GULP1: variants seen among roughly 807,000 people sequenced by gnomAD.
GULP1 encodes the protein PTB domain-containing engulfment adapter protein 1.
A neutral mutation model predicts 40.9 loss-of-function variants in GULP1; 19 were observed. The observed-to-expected ratio is 0.46, with a 90% confidence interval of 0.32 to 0.68. The LOEUF is 0.68. GULP1 is among the 30% of genes least tolerant of loss of function. The pLI is 0.03. For missense variants in GULP1, 312 were observed against 362.2 expected (o/e 0.86, Z 1.12); for synonymous variants, 119 against 117.6 (o/e 1.01, Z -0.08).
chr2:188,379,102 A>T (rs1309737753), intron 1 of GULP1, among the ~76,000 whole-genome samples: 1 of 152,186 alleles, frequency 6.6e-6, no homozygotes, highest in African/African-American at 2.4e-5. Flanking sequence ...GAATGACTTG[A>T]TAATTTTTCT....
chr2:188,547,626 A>T (rs763378226), intron 7 of GULP1, among the ~76,000 whole-genome samples: 1 of 152,150 alleles, frequency 6.6e-6, no homozygotes, highest in Non-Finnish European at 1.5e-5. Flanking sequence ...GCCCATCCAG[A>T]TTAAAGGTGG....
At chr2:188,507,497 G>C (rs558252442) in intron 4 of GULP1, among the ~76,000 whole-genome samples, 5 of 150,568 alleles carry the variant, frequency 3.3e-5, no homozygotes, top group Admixed American at 6.6e-5. Context: ...AAATGAGATG[G>C]AATAAGTATC....
intron 2 of GULP1, among the ~76,000 whole-genome samples, chr2:188,393,365 A>G (rs566355500): frequency 6.6e-6 from 1 of 151,858 alleles, no homozygotes; most frequent in Non-Finnish European, 1.5e-5. Context: ...GCTTTAAAGT[A>G]TGTTTATCTG....
At chr2:188,376,957 A>G (rs1375690854) in intron 1 of GULP1, among the ~76,000 whole-genome samples, 1 of 152,182 alleles carries the variant, frequency 6.6e-6, no homozygotes, top group Non-Finnish European at 1.5e-5. Flanking sequence ...ACAGATCATG[A>G]GGTCAGGATT....
intron 6 of GULP1, among the ~76,000 whole-genome samples, chr2:188,538,705 G>C (rs1689614952): frequency 6.6e-6 from 1 of 151,634 alleles, no homozygotes; most frequent in Non-Finnish European, 1.5e-5. Context: ...GTGTGTGTGT[G>C]TGTGTGTGTG....
chr2:188,346,575 C>G (rs10179504), intron 1 of GULP1, among the ~76,000 whole-genome samples: 26,414 of 151,306 alleles, frequency 0.17, 2,365 homozygotes, highest in South Asian at 0.23. Flanking sequence ...TCACTACAAG[C>G]TCCGCCTCCT....
At chr2:188,469,440 A>T (rs145540489) in intron 2 of GULP1, among the ~76,000 whole-genome samples, 9 of 152,326 alleles carry the variant, frequency 5.9e-5, no homozygotes, top group Admixed American at 2.0e-4. Flanking sequence ...TGGGTAAATT[A>T]TAAAGAAATG....
At chr2:188,390,665 G>T (rs2152546403) in intron 2 of GULP1, among the ~76,000 whole-genome samples, 1 of 152,014 alleles carries the variant, frequency 6.6e-6, no homozygotes. Context: ...TTGCTTTTGT[G>T]GTCTTAGTCA....
intron 1 of GULP1, among the ~76,000 whole-genome samples, chr2:188,303,203 T>TG (rs2036453548): frequency 6.6e-6 from 1 of 152,232 alleles, no homozygotes; most frequent in South Asian, 2.1e-4. Context: ...TTTTGTAATG[T>TG]GCTCTAATCA....
chr2:188,576,741 C>T (rs531595524), intron 9 of GULP1, among the ~76,000 whole-genome samples: 2 of 151,988 alleles, frequency 1.3e-5, no homozygotes, highest in African/African-American at 4.8e-5. Flanking sequence ...AAATTGGATC[C>T]TTATTTTATA....
chr2:188,542,040 G>C (rs1388813362), intron 7 of GULP1: 4 of 152,120 alleles, frequency 2.6e-5, no homozygotes, highest in African/African-American at 9.7e-5. Context: ...CTGGGAGGCA[G>C]AGGTTGCAGT....
intron 2 of GULP1, among the ~76,000 whole-genome samples, chr2:188,465,795 A>G (rs1021048521): frequency 6.6e-6 from 1 of 152,206 alleles, no homozygotes; most frequent in African/African-American, 2.4e-5. Flanking sequence ...CAATGCTCTC[A>G]GAAACACCAG....
intron 2 of GULP1, among the ~76,000 whole-genome samples, chr2:188,399,707 A>AAAAAAAAAAAAATT: frequency 6.7e-6 from 1 of 149,920 alleles, no homozygotes; most frequent in South Asian, 2.1e-4. Flanking sequence ...AAAAAAAAAA[A>AAAAAAAAAAAAATT]AAAAAAACAT....
intron 2 of GULP1, among the ~76,000 whole-genome samples, chr2:188,443,086 C>A (rs751422335): frequency 4.6e-5 from 7 of 151,922 alleles, no homozygotes; most frequent in Non-Finnish European, 1.0e-4. Context: ...TGTTTGAACC[C>A]CTGTTGGATT....
At chr2:188,552,994 A>G (rs542210423) in intron 7 of GULP1, among the ~76,000 whole-genome samples, 1 of 151,806 alleles carries the variant, frequency 6.6e-6, no homozygotes, top group Non-Finnish European at 1.5e-5. Context: ...TCTCAGCTAC[A>G]TCATTGGTAT....
At chr2:188,312,888 C>G (rs933250786) in intron 1 of GULP1, among the ~76,000 whole-genome samples, 1 of 152,126 alleles carries the variant, frequency 6.6e-6, no homozygotes, top group African/African-American at 2.4e-5. Context: ...AGCTTTTTTT[C>G]ACATGCTTGT....
intron 1 of GULP1, among the ~76,000 whole-genome samples, chr2:188,302,916 T>G (rs112824460): frequency 6.6e-6 from 1 of 152,226 alleles, no homozygotes; most frequent in Non-Finnish European, 1.5e-5. Context: ...TCCTGCTATT[T>G]GGCTACAAAT....
intron 4 of GULP1, among the ~76,000 whole-genome samples, chr2:188,485,084 A>G (rs1013053104): frequency 1.3e-5 from 2 of 152,244 alleles, no homozygotes; most frequent in Admixed American, 6.5e-5. Flanking sequence ...TTTAAAATGC[A>G]TGCTCAATTT....
rs1559359545 is a variant in GULP1 at position 188,541,270 on chromosome 2, T to C, written c.351T>C (p.Asp117=). The C allele has an allele frequency of 5.6e-6, 9 of 1,612,150 alleles. No homozygotes were observed. The highest frequency in any genetic ancestry group is 2.2e-5 in the East Asian group (1 of 44,820). Reference sequence around the variant, plus strand: ...GGATATTCACTTTCATATGCAAAGATTCTGAGTCAAATAAACATTTGTGCT... The same window carrying C: ...GGATATTCACTTTCATATGCAAAGACTCTGAGTCAAATAAACATTTGTGCT... ...DKRIFTFICK[D]SESNKHLCYV... Residue 117 remains aspartate, a synonymous_variant, in exon 7 of 12, where the codon GAT becomes GAC. Coordinates refer to ENST00000409830, the MANE Select transcript of GULP1 (RefSeq NM_016315.4).
Sources: gnomAD v4.1 joint callset for allele counts (sites outside exome capture counted in the v4.1 genomes callset) on GRCh38, gnomAD v4.1.1 for gene constraint, MANE v1.5 for transcripts, NCBI Gene and HGNC (gene_info 2026-07-23, HGNC 2026-07-21) for gene names.